HOPX: variants seen among roughly 807,000 people sequenced by gnomAD.
HOPX encodes homeodomain-only protein.
A neutral mutation model predicts 11.8 loss-of-function variants in HOPX; 5 were observed. The ratio of observed to expected loss-of-function variants is 0.43; its 90% CI spans 0.22 to 0.89. The LOEUF (loss-of-function observed/expected upper bound fraction) is 0.89, where lower values mean the gene tolerates loss of function less well. Among genes scored for constraint, HOPX ranks in the 40% least tolerant of loss-of-function variants. The probability of loss-of-function intolerance (pLI) is 0.28; values close to 1 mark genes in which losing one functional copy is unlikely to be tolerated. For missense variants in HOPX, 119 were observed against 120.0 expected, an observed-to-expected ratio of 0.99 and a Z score of 0.04; for synonymous variants, 49 against 49.7, an observed-to-expected ratio of 0.99 and a Z score of 0.06.
chr4:56,656,886 C>T (rs1413056775), intron 2 of HOPX, among the ~76,000 whole-genome samples: 2 of 152,170 alleles, frequency 1.3e-5, no homozygotes, highest in African/African-American at 2.4e-5. Flanking sequence ...ACTGTGTGCT[C>T]CCCGAGGGGA....
chr4:56,679,348 A>G (rs1199204591), intron 1 of HOPX: 1 of 152,254 alleles, frequency 6.6e-6, no homozygotes, highest in East Asian at 1.9e-4. Context: ...TTCCCATATA[A>G]GAAATGGTCA....
intron 1 of HOPX, among the ~76,000 whole-genome samples, chr4:56,669,340 G>A (rs1173388801): frequency 6.6e-6 from 1 of 152,152 alleles, no homozygotes; most frequent in African/African-American, 2.4e-5. Flanking sequence ...TGGCTGTTGA[G>A]TTAATGTGAT....
chr4:56,680,942 G>C (rs1719294173), intron 1 of HOPX: 1 of 746,762 alleles, frequency 1.3e-6, no homozygotes. Flanking sequence ...ACAAATGCTG[G>C]TTTCAAAGTT....
intron 2 of HOPX, chr4:56,656,285 G>GAACT: frequency 1.1e-5 from 13 of 1,152,732 alleles, no homozygotes; most frequent in Non-Finnish European, 1.4e-5. Flanking sequence ...CCCCTTGCAG[G>GAACT]AACTGTATCC....
rs1431265755 is a variant in HOPX, at chr4:56,648,340, C to G, written c.*380G>C. The G allele has an allele frequency of 5.8e-6, 1 of 172,462 alleles. No individual in the cohort carries two copies. Among genetic ancestry groups the G allele is most frequent in the Non-Finnish European group, 1.2e-5 (1 of 81,900 alleles). 10.7% of individuals were successfully genotyped at this position (172,462 alleles called of 1,614,324 possible). The stretch of plus-strand genomic sequence containing the variant: ...AGTTCAGAAGGAAATGTGTTCCCTT[C>G]TCCCTCATATTATCTTTTCAACAGA... On this transcript the variant is annotated 3_prime_UTR_variant, in exon 4 of 4. Coordinates refer to ENST00000420433, the MANE Select transcript of HOPX (RefSeq NM_032495.6).
intron 1 of HOPX, among the ~76,000 whole-genome samples, chr4:56,673,337 G>A (rs1188581855): frequency 6.6e-6 from 1 of 152,068 alleles, no homozygotes. Flanking sequence ...AACCTAAGAG[G>A]GGGTCTTGTG....
chr4:56,665,326 G>GA (rs1239958984), intron 1 of HOPX: 2 of 152,158 alleles, frequency 1.3e-5, no homozygotes, highest in African/African-American at 4.8e-5. Context: ...TTCTATGGGG[G>GA]ATGTGTCATT....
chr4:56,661,231 G>C (rs1368048120), intron 1 of HOPX, among the ~76,000 whole-genome samples: 4 of 152,104 alleles, frequency 2.6e-5, no homozygotes, highest in Non-Finnish European at 5.9e-5. Context: ...TCTGTAAATT[G>C]CTTTTTTCAC....
At chr4:56,649,527 C>G (rs1269588491) in intron 3 of HOPX, 1 of 152,234 alleles carries the variant, frequency 6.6e-6, no homozygotes. Flanking sequence ...CCAGCCCAAT[C>G]TATCCTGCTC....
chr4:56,654,932 A>G (rs1174924288), intron 3 of HOPX, among the ~76,000 whole-genome samples: 1 of 152,184 alleles, frequency 6.6e-6, no homozygotes, highest in East Asian at 1.9e-4. Flanking sequence ...TCTATCATGC[A>G]AAAGGATTGT....
intron 3 of HOPX, among the ~76,000 whole-genome samples, chr4:56,654,785 G>C (rs1717515456): frequency 6.6e-6 from 1 of 152,154 alleles, no homozygotes; most frequent in Admixed American, 6.5e-5. Flanking sequence ...ACTGAGCATG[G>C]CTCATGGTGA....
At chr4:56,669,721 A>C (rs1560372690) in intron 1 of HOPX, among the ~76,000 whole-genome samples, 1 of 151,876 alleles carries the variant, frequency 6.6e-6, no homozygotes, top group African/African-American at 2.4e-5. Context: ...TACAACAGGC[A>C]TACATCAGAA....
At chr4:56,660,185 G>C (rs1389528780) in intron 1 of HOPX, among the ~76,000 whole-genome samples, 1 of 152,134 alleles carries the variant, frequency 6.6e-6, no homozygotes, top group African/African-American at 2.4e-5. Context: ...GCAGTCTTAA[G>C]TATTACTGTT....
chr4:56,665,892 AC>A (rs1718407267), intron 1 of HOPX, among the ~76,000 whole-genome samples: 1 of 152,124 alleles, frequency 6.6e-6, no homozygotes, highest in South Asian at 2.1e-4. Flanking sequence ...GCTCTTAATC[AC>A]TACACCATCT....
At chr4:56,658,977 A>G (rs922559706) in intron 1 of HOPX, among the ~76,000 whole-genome samples, 1 of 152,250 alleles carries the variant, frequency 6.6e-6, no homozygotes, top group Non-Finnish European at 1.5e-5. Context: ...CAATGGTTCT[A>G]CTTTTGTCCC....
In HOPX at chr4:56,670,421, C is replaced by G. The variant is rs114660369; in HGVS notation, c.-84+10834G>C. 2.5e-3 allele frequency among the ~76,000 whole-genome samples: 385 copies of G among 152,114 alleles called. 1 individual carries two copies. Among genetic ancestry groups the G allele is most frequent in the Middle Eastern group, 0.01 (3 of 294 alleles). ...TAAACCAGAAGAGAAATGTGTACTACTAAGCTTGGAAGCAAATAACAAAAG... is the reference window on the plus strand; with the variant it reads ...TAAACCAGAAGAGAAATGTGTACTAGTAAGCTTGGAAGCAAATAACAAAAG... On this transcript the variant is annotated intron_variant, in intron 1 of 3. Coordinates refer to ENST00000420433, the MANE Select transcript of HOPX (RefSeq NM_032495.6).
intron 1 of HOPX, among the ~76,000 whole-genome samples, chr4:56,672,150 A>G (rs1056673238): frequency 6.6e-6 from 1 of 152,142 alleles, no homozygotes; most frequent in African/African-American, 2.4e-5. Context: ...ATGACTAATA[A>G]GATTTCTTAG....
At chr4:56,670,929 G>A (rs779114763) in intron 1 of HOPX, among the ~76,000 whole-genome samples, 3 of 151,718 alleles carry the variant, frequency 2.0e-5, no homozygotes, top group African/African-American at 4.9e-5. Context: ...CCCGGGAGGC[G>A]GAGGTTGCAA....
At chr4:56,675,814 C>T (rs1246496214) in intron 1 of HOPX, among the ~76,000 whole-genome samples, 1 of 151,674 alleles carries the variant, frequency 6.6e-6, no homozygotes, top group Non-Finnish European at 1.5e-5. Context: ...CCCTGTTCCC[C>T]AAGTGAGTGG....
Sources: allele counts gnomAD v4.1 joint callset (sites outside exome capture counted in the v4.1 genomes callset), GRCh38; gene constraint gnomAD v4.1.1; transcripts MANE v1.5; gene names NCBI Gene and HGNC (gene_info 2026-07-23, HGNC 2026-07-21).